The following TTBK2 variants were observed in gnomAD, a reference collection of about 807,000 sequenced individuals.
TTBK2 encodes tau-tubulin kinase 2.
Under a neutral mutation model 110.8 loss-of-function variants are expected in TTBK2, and 28 were observed. The observed-to-expected ratio is 0.25, with a 90% confidence interval of 0.19 to 0.35. The LOEUF (loss-of-function observed/expected upper bound fraction) is 0.35, where lower values mean the gene tolerates loss of function less well. Among genes scored for constraint, TTBK2 ranks in the 10% least tolerant of loss-of-function variants. The probability of loss-of-function intolerance (pLI) is 1.00; values close to 1 mark genes in which losing one functional copy is unlikely to be tolerated. For missense variants in TTBK2, 1,369 were observed against 1,500.3 expected (o/e 0.91, Z 1.45); for synonymous variants, 532 against 527.3 (o/e 1.01, Z -0.12).
chr15:42,784,546 G>A (rs1211583489), intron 10 of TTBK2, among the ~76,000 whole-genome samples: 2 of 152,172 alleles, frequency 1.3e-5, no homozygotes, highest in Non-Finnish European at 1.5e-5. Context: ...CCAAAGTGCT[G>A]GGATTACAGG....
At chr15:42,908,187 CAGATT>C (rs2030525690) in intron 1 of TTBK2, 1 of 152,094 alleles carries the variant, frequency 6.6e-6, no homozygotes, top group African/African-American at 2.4e-5. Context: ...GGCGAAAGTA[CAGATT>C]AGGAGAGGCA....
At chr15:42,856,166 T>C (rs1322610864) in intron 3 of TTBK2, among the ~76,000 whole-genome samples, 1 of 152,202 alleles carries the variant, frequency 6.6e-6, no homozygotes, top group Non-Finnish European at 1.5e-5. Context: ...AACCACCATT[T>C]TGCAATCCCT....
At chr15:42,918,213 G>T (rs572425809) in intron 1 of TTBK2, among the ~76,000 whole-genome samples, 4 of 152,064 alleles carry the variant, frequency 2.6e-5, no homozygotes, top group Non-Finnish European at 5.9e-5. Context: ...ACAGGTGTGA[G>T]CCACCATGCC....
chr15:42,749,477 A>C (rs1028452768), intron 14 of TTBK2, among the ~76,000 whole-genome samples: 3 of 152,216 alleles, frequency 2.0e-5, no homozygotes, highest in African/African-American at 7.2e-5. Context: ...GCCCCATGGC[A>C]GGCAGCTGTG....
intron 3 of TTBK2, among the ~76,000 whole-genome samples, chr15:42,858,723 A>G (rs1324684616): frequency 1.3e-5 from 2 of 152,204 alleles, no homozygotes; most frequent in Non-Finnish European, 2.9e-5. Context: ...CCAGAGCAGA[A>G]TCATACACGG....
intron 1 of TTBK2, among the ~76,000 whole-genome samples, chr15:42,903,705 C>T (rs1009655084): frequency 2.6e-5 from 4 of 152,186 alleles, no homozygotes; most frequent in Admixed American, 1.3e-4. Context: ...CTCAATGACC[C>T]TCATCTCCTG....
chr15:42,776,341 A>T (rs550121450), intron 12 of TTBK2, among the ~76,000 whole-genome samples: 92 of 152,262 alleles, frequency 6.0e-4, no homozygotes, highest in Non-Finnish European at 1.2e-3. Context: ...TGCTGCGAAT[A>T]CTACTGAAGT....
At chr15:42,912,719 C>CA (rs541644628) in intron 1 of TTBK2, among the ~76,000 whole-genome samples, 9 of 144,144 alleles carry the variant, frequency 6.2e-5, no homozygotes, top group South Asian at 2.2e-4. Flanking sequence ...AACTCCATCT[C>CA]AAAAAAAAAA....
intron 2 of TTBK2, 22 bp downstream of exon 2, chr15:42,878,527 A>ACACACACACT (rs1555434098): frequency 1.9e-6 from 3 of 1,603,510 alleles, no homozygotes; most frequent in African/African-American, 2.7e-5. Flanking sequence ...ACACACACAC[A>ACACACACACT]CTCTCTGAGA....
At chr15:42,869,775 GAATAAT>G (rs376773808) in intron 3 of TTBK2, among the ~76,000 whole-genome samples, 3 of 152,060 alleles carry the variant, frequency 2.0e-5, no homozygotes, top group East Asian at 1.9e-4. Context: ...ATACTTTAGA[GAATAAT>G]AATAATAAGG....
At chr15:42,794,428 A>C (rs889715003) in intron 10 of TTBK2, among the ~76,000 whole-genome samples, 1 of 152,172 alleles carries the variant, frequency 6.6e-6, no homozygotes, top group African/African-American at 2.4e-5. Context: ...CATAAGCTCT[A>C]AGCTCTAAGC....
At chr15:42,799,465 ACT>A (rs1891084934) in intron 9 of TTBK2, among the ~76,000 whole-genome samples, 1 of 150,948 alleles carries the variant, frequency 6.6e-6, no homozygotes, top group Non-Finnish European at 1.5e-5. Flanking sequence ...ACGGAGTCTC[ACT>A]CTGTTGCCCA....
At chr15:42,826,351 T>A (rs1384981646) in intron 6 of TTBK2, among the ~76,000 whole-genome samples, 1 of 152,166 alleles carries the variant, frequency 6.6e-6, no homozygotes, top group Non-Finnish European at 1.5e-5. Flanking sequence ...CAAATAAGAC[T>A]TGGTCTCATT....
rs560820742 is a variant in TTBK2 at position 42,869,402 on chromosome 15, T to C, written c.217+3209A>G. 1.3e-4 allele frequency among the ~76,000 whole-genome samples: 19 copies of C among 148,352 alleles called. No homozygotes were observed. In the South Asian group the frequency reaches 3.8e-3, roughly 30 times the overall value. On this transcript the variant is annotated intron_variant, in intron 3 of 14. Coordinates refer to ENST00000267890, the MANE Select transcript of TTBK2 (RefSeq NM_173500.4). ...CCACGCCTGGCCTAAACTATACTTA[T>C]TAAAAAGAAAAAAAAAAAAACCTGG...
intron 4 of TTBK2, among the ~76,000 whole-genome samples, chr15:42,840,159 T>A (rs1378618770): frequency 6.6e-6 from 1 of 152,158 alleles, no homozygotes; most frequent in East Asian, 1.9e-4. Context: ...AAGATACAGG[T>A]CAACTCAAAT....
At chr15:42,802,468 G>C in intron 9 of TTBK2, 1 of 654,140 alleles carries the variant, frequency 1.5e-6, no homozygotes, top group Non-Finnish European at 2.8e-6. Flanking sequence ...CTGCTTCTTG[G>C]TCTGCACACA....
At chr15:42,907,690 A>G (rs1376877411) in intron 1 of TTBK2, among the ~76,000 whole-genome samples, 2 of 152,144 alleles carry the variant, frequency 1.3e-5, no homozygotes, top group Non-Finnish European at 2.9e-5. Context: ...GAAATGGGAA[A>G]AAAAGAATAT....
chr15:42,872,539 G>A (rs190545669), intron 3 of TTBK2, 72 bp downstream of exon 3: 2 of 1,541,832 alleles, frequency 1.3e-6, no homozygotes, highest in Non-Finnish European at 1.8e-6. Context: ...ATGTAATTAA[G>A]GTTCAGGAAG....
At chr15:42,759,418 C>T (rs987108290) in intron 13 of TTBK2, among the ~76,000 whole-genome samples, 1 of 152,234 alleles carries the variant, frequency 6.6e-6, no homozygotes. Context: ...GCCTGCTGAG[C>T]CTGCCCCTGG....
Sources: gnomAD v4.1 joint callset for allele counts (sites outside exome capture counted in the v4.1 genomes callset) on GRCh38, gnomAD v4.1.1 for gene constraint, MANE v1.5 for transcripts, NCBI Gene and HGNC (gene_info 2026-07-23, HGNC 2026-07-21) for gene names.